The following FGF14 variants were observed in gnomAD, a reference collection of about 807,000 sequenced individuals.
The protein encoded by FGF14 is fibroblast growth factor 14, also known as fibroblast growth factor homologous factor 4.
FGF14 carries 5 observed loss-of-function variants against 25.5 expected under a neutral mutation model. That is an observed-to-expected ratio of 0.20 (90% confidence interval 0.10 to 0.41). The LOEUF is 0.41. Ranked by LOEUF, FGF14 falls within the 10% of genes least tolerant of loss-of-function variation. FGF14 has a pLI of 1.00. For missense variants in FGF14, 222 were observed against 320.1 expected, an observed-to-expected ratio of 0.69 and a Z score of 2.34; for synonymous variants, 138 against 118.3, an observed-to-expected ratio of 1.17 and a Z score of -1.08.
chr13:102,080,897 T>A (rs576467001), intron 1 of FGF14, among the ~76,000 whole-genome samples: 2 of 152,300 alleles, frequency 1.3e-5, no homozygotes, highest in East Asian at 1.9e-4. Context: ...AGACTAAGCA[T>A]CACTAGACTA....
intron 1 of FGF14, among the ~76,000 whole-genome samples, chr13:102,195,464 C>T (rs1443444750): frequency 6.6e-6 from 1 of 151,536 alleles, no homozygotes; most frequent in East Asian, 1.9e-4. Context: ...TCAGAGCAAC[C>T]ATTAAGAAAA....
At chr13:101,868,037 A>G (rs2044825459) in intron 3 of FGF14, among the ~76,000 whole-genome samples, 1 of 152,132 alleles carries the variant, frequency 6.6e-6, no homozygotes, top group Non-Finnish European at 1.5e-5. Flanking sequence ...GACATGTAAG[A>G]GCATATTTTA....
At chr13:101,942,484 G>C (rs1449498047) in intron 1 of FGF14, among the ~76,000 whole-genome samples, 1 of 152,034 alleles carries the variant, frequency 6.6e-6, no homozygotes, top group African/African-American at 2.4e-5. Flanking sequence ...TTTAATTTAT[G>C]GAACAGATCT....
At chr13:101,897,562 T>C (rs1255756961) in intron 1 of FGF14, among the ~76,000 whole-genome samples, 2 of 152,148 alleles carry the variant, frequency 1.3e-5, no homozygotes, top group African/African-American at 4.8e-5. Flanking sequence ...CAACCTCTCT[T>C]GTGAACTTTA....
chr13:101,956,891 TTCTC>T (rs1488995260), intron 1 of FGF14, among the ~76,000 whole-genome samples: 10 of 152,108 alleles, frequency 6.6e-5, no homozygotes, highest in African/African-American at 1.9e-4. Context: ...TTTTGTTTTT[TTCTC>T]TCTCTCTTTC....
intron 1 of FGF14, among the ~76,000 whole-genome samples, chr13:101,915,010 A>T (rs2033325255): frequency 6.6e-6 from 1 of 152,054 alleles, no homozygotes. Flanking sequence ...ATTAAAATCC[A>T]TTTTTTTCTT....
intron 1 of FGF14, among the ~76,000 whole-genome samples, chr13:102,006,727 CTTTTTT>C (rs774872814): frequency 1.3e-3 from 80 of 61,954 alleles, no homozygotes; most frequent in African/African-American, 5.2e-3. Flanking sequence ...AATCTTACTT[CTTTTTT>C]TTTTTTTTTT....
intron 1 of FGF14, among the ~76,000 whole-genome samples, chr13:101,938,729 C>G (rs189039000): frequency 1.0e-3 from 156 of 152,312 alleles, no homozygotes; most frequent in African/African-American, 3.6e-3. Context: ...TCCCTCACCA[C>G]TACATTTCAT....
At chr13:102,237,609 A>G (rs1287148702) in intron 1 of FGF14, among the ~76,000 whole-genome samples, 3 of 151,540 alleles carry the variant, frequency 2.0e-5, no homozygotes, top group African/African-American at 7.3e-5. Flanking sequence ...AAGAATTACA[A>G]ACCTGGTTCA....
intron 1 of FGF14, among the ~76,000 whole-genome samples, chr13:102,132,749 G>A (rs2046255542): frequency 6.6e-6 from 1 of 152,060 alleles, no homozygotes; most frequent in African/African-American, 2.4e-5. Context: ...TCGAACTCCT[G>A]ACCTCAAGCA....
intron 1 of FGF14, among the ~76,000 whole-genome samples, chr13:102,326,933 C>T (rs756539473): frequency 2.6e-5 from 4 of 152,128 alleles, no homozygotes; most frequent in South Asian, 4.1e-4. Flanking sequence ...TTATTCCCCA[C>T]GGAAACTGAA....
At chr13:101,946,363 CAAAA>C (rs59866034) in intron 1 of FGF14, among the ~76,000 whole-genome samples, 5 of 91,924 alleles carry the variant, frequency 5.4e-5, no homozygotes, top group Admixed American at 2.5e-4. Flanking sequence ...GCTTCTCCAT[CAAAA>C]AAAAAAAAAA....
intron 1 of FGF14, among the ~76,000 whole-genome samples, chr13:102,131,543 T>G (rs1014504525): frequency 2.6e-5 from 4 of 152,182 alleles, no homozygotes; most frequent in Non-Finnish European, 4.4e-5. Flanking sequence ...GTGTCACTCA[T>G]GTTATCTGGC....
At chr13:102,106,648 A>G (rs879378701) in intron 1 of FGF14, among the ~76,000 whole-genome samples, 14 of 152,230 alleles carry the variant, frequency 9.2e-5, no homozygotes, top group Admixed American at 3.9e-4. Flanking sequence ...GAAAGAAAAG[A>G]AAAGAAAAAG....
At chr13:102,070,543 AG>A (rs907297831) in intron 1 of FGF14, among the ~76,000 whole-genome samples, 1 of 152,238 alleles carries the variant, frequency 6.6e-6, no homozygotes, top group African/African-American at 2.4e-5. Context: ...TATACCCAAA[AG>A]AAAGCAAAAC....
At chr13:102,235,557 T>C (rs985594228) in intron 1 of FGF14, among the ~76,000 whole-genome samples, 4 of 152,300 alleles carry the variant, frequency 2.6e-5, no homozygotes, top group South Asian at 2.1e-4. Flanking sequence ...CCTAGGGATA[T>C]ATAAAGATAT....
intron 1 of FGF14, among the ~76,000 whole-genome samples, chr13:102,140,922 A>T (rs1820582051): frequency 6.6e-6 from 1 of 152,258 alleles, no homozygotes; most frequent in Non-Finnish European, 1.5e-5. Context: ...AGGATGAATT[A>T]AATGACCAAA....
intron 1 of FGF14, among the ~76,000 whole-genome samples, chr13:101,896,543 G>C (rs1363317383): frequency 6.6e-6 from 1 of 152,136 alleles, no homozygotes; most frequent in Admixed American, 6.6e-5. Flanking sequence ...GCAGCAAAAG[G>C]CTCCAAAAAG....
intron 1 of FGF14, among the ~76,000 whole-genome samples, chr13:101,964,318 A>G (rs1277406851): frequency 6.6e-6 from 1 of 152,188 alleles, no homozygotes; most frequent in Non-Finnish European, 1.5e-5. Flanking sequence ...TATTATTTAT[A>G]CTAATAAATG....
Sources: gnomAD v4.1 joint callset for allele counts (sites outside exome capture counted in the v4.1 genomes callset) on GRCh38, gnomAD v4.1.1 for gene constraint, MANE v1.5 for transcripts, NCBI Gene and HGNC (gene_info 2026-07-23, HGNC 2026-07-21) for gene names.